Variants in FBXO3 observed in about 807,000 individuals in gnomAD.
The protein encoded by FBXO3 is F-box protein 3, also known as F-box only protein 3.
FBXO3 carries 17 observed loss-of-function variants against 64.8 expected under a neutral mutation model. The observed-to-expected ratio is 0.26, with a 90% CI of 0.18 to 0.39. The LOEUF (loss-of-function observed/expected upper bound fraction) is 0.39, where lower values mean the gene tolerates loss of function less well. FBXO3 is among the 10% of genes least tolerant of loss of function. FBXO3 has a pLI of 1.00. For missense variants in FBXO3, 420 were observed against 589.9 expected, an observed-to-expected ratio of 0.71 and a Z score of 2.98; for synonymous variants, 182 against 201.6, an observed-to-expected ratio of 0.90 and a Z score of 0.82.
intron 9 of FBXO3, among the ~76,000 whole-genome samples, chr11:33,747,877 A>G (rs1426212451): frequency 1.6e-5 from 2 of 122,890 alleles, no homozygotes; most frequent in African/African-American, 3.2e-5. Context: ...AGTATCTAGT[A>G]AAAAAAAAAA....
At chr11:33,759,117 A>T (rs1055485295) in intron 3 of FBXO3, among the ~76,000 whole-genome samples, 1 of 152,236 alleles carries the variant, frequency 6.6e-6, no homozygotes, top group African/African-American at 2.4e-5. Context: ...GGAAATAATG[A>T]CAAATACCAA....
At position 33,774,437 on chromosome 11, in the gene FBXO3, G is replaced by C; in HGVS notation, c.61C>G (p.Leu21Val). Reference sequence around the variant, plus strand: ...TCCAAAAAGGATAAGATGAGGAGCAGGGGATCGGTGGGCAGCGACTCTAGG... The same window carrying C: ...TCCAAAAAGGATAAGATGAGGAGCACGGGATCGGTGGGCAGCGACTCTAGG... ...LTLESLPTDP[L>V]LLILSFLDYR... Residue 21 changes from leucine (L) to valine (V), a missense_variant, in exon 1 of 11, where the codon CTG (leucine) becomes GTG (valine). Physicochemically the swap from Leu to Val is conservative, Grantham distance 32. Around this residue, in one of 3 missense-constraint regions of FBXO3, gnomAD observed 337 missense variants for 518.4 expected, o/e 0.65. Transcript: ENST00000265651. 6.2e-7 allele frequency: 1 copy of C among 1,603,134 alleles called. No homozygotes were observed. Among genetic ancestry groups the C allele is most frequent in the Non-Finnish European group, 8.5e-7 (1 of 1,175,086 alleles).
In FBXO3 at chr11:33,750,527, T is replaced by A. The variant is rs1328749390; in HGVS notation, c.932+12A>T. 1 of 1,613,380 alleles carries A rather than the reference T, an allele frequency of 6.2e-7. No individual in the cohort carries two copies. On this transcript the variant is annotated intron_variant, in intron 8 of 10. Coordinates refer to ENST00000265651, the MANE Select transcript of FBXO3 (RefSeq NM_012175.4). ...CCATTAACTGAAAGGTGACCCCATT[T>A]AAAATTCTCACCTGATTCGGTATGT...
rs1188720446 is a variant in FBXO3 at position 33,742,049 on chromosome 11, T to G, written c.1275A>C (p.Glu425Asp). Residue 425 changes from glutamate (E) to aspartate (D), a missense_variant, in exon 11 of 11, where the codon GAA (glutamate) becomes GAC (aspartate). This residue lies in a region of FBXO3 where 337 missense variants were observed against 518.4 expected (regional missense o/e 0.65). Coordinates refer to ENST00000265651, the MANE Select transcript of FBXO3 (RefSeq NM_012175.4). ...CTTCCTCCTCTTCCTCCTCCTCCTC[T>G]TCTTCCATCTCTTCATATTCATCAG... ...MGPDEYEEME[E>D]EEEEEEEEDE... 6.2e-7 allele frequency: 1 copy of G among 1,605,376 alleles called. No individual in the cohort carries two copies.
intron 2 of FBXO3, among the ~76,000 whole-genome samples, chr11:33,770,001 C>G (rs1255194387): frequency 6.6e-6 from 1 of 152,020 alleles, no homozygotes; most frequent in Non-Finnish European, 1.5e-5. Context: ...AGTCCAACTC[C>G]TCAAAGGAAA....
chr11:33,774,223 C>T (rs991829662), intron 1 of FBXO3, 171 bp downstream of exon 1: 4 of 596,878 alleles, frequency 6.7e-6, no homozygotes, highest in Non-Finnish European at 8.7e-6. Context: ...GCCCTTTCCG[C>T]CCCCGTCTCG....
intron 1 of FBXO3, 158 bp downstream of exon 1, chr11:33,774,236 C>A (rs1402957): frequency 0.32 from 202,406 of 626,400 alleles, 35,519 homozygotes; most frequent in Middle Eastern, 0.46. Flanking sequence ...CCGTCTCGCC[C>A]CGGTCCCCGG....
chr11:33,749,801 C>T (rs1854909724), intron 8 of FBXO3, among the ~76,000 whole-genome samples: 1 of 152,160 alleles, frequency 6.6e-6, no homozygotes, highest in African/African-American at 2.4e-5. Flanking sequence ...CAATCCTAGG[C>T]AGGATCTAAA....
chr11:33,770,841 C>A lies in FBXO3; in HGVS notation c.105-11G>T. ...CTGACATAACAACAGCTGGCAGTAA[C>A]CAGATTCACCGATAGTATTTAAAAA... is the stretch of plus-strand genomic sequence containing the variant. On this transcript the variant is annotated splice_polypyrimidine_tract_variant and intron_variant, in intron 1 of 10. Transcript: ENST00000265651. 2 of 1,570,292 alleles carry A rather than the reference C, an allele frequency of 1.3e-6. No individual in the cohort carries two copies. The highest frequency in any genetic ancestry group is 1.2e-5 in the South Asian group (1 of 85,880).
intron 10 of FBXO3, 69 bp downstream of exon 10, chr11:33,747,061 G>C: frequency 6.3e-7 from 1 of 1,574,946 alleles, no homozygotes; most frequent in East Asian, 2.3e-5. Flanking sequence ...CTAACTATTT[G>C]CCTGGCTTAT....
rs756063978 is a variant in FBXO3, at chr11:33,741,881, CT to C, written c.*26del. On this transcript the variant is annotated 3_prime_UTR_variant, in exon 11 of 11. Transcript: ENST00000265651. ...ATCTATTTAACAGCCTAGAATCATC[CT>C]AGTGCTTCCATCAGCAGAAGGCTTG... 6.2e-7 allele frequency: 1 copy of C among 1,600,546 alleles called. No homozygotes were observed. Among genetic ancestry groups the C allele is most frequent in the South Asian group, 1.1e-5 (1 of 88,454 alleles).
At chr11:33,753,131 G>A (rs564167216) in intron 6 of FBXO3, 91 of 152,348 alleles carry the variant, frequency 6.0e-4, no homozygotes, top group African/African-American at 2.1e-3. Flanking sequence ...AAGCCCATGT[G>A]TTGGGGTCTC....
At chr11:33,763,643 A>C (rs1340926133) in intron 3 of FBXO3, among the ~76,000 whole-genome samples, 3 of 151,548 alleles carry the variant, frequency 2.0e-5, no homozygotes, top group African/African-American at 7.3e-5. Flanking sequence ...AAAAAAAAAA[A>C]AAAACCCTAC....
In FBXO3 at chr11:33,755,760, G is replaced by T. The variant is rs200950248; in HGVS notation, c.678+11C>A. 60 of 1,600,256 alleles carry T rather than the reference G, an allele frequency of 3.7e-5. No homozygotes were observed. Among genetic ancestry groups the T allele is most frequent in the Non-Finnish European group, 5.1e-5 (59 of 1,168,028 alleles). ...ATCTTAATGCCATATTTAAACACAC[G>T]TTCTACTTACTGGACATTGGTAGAA... On this transcript the variant is annotated intron_variant, in intron 5 of 10. Transcript: ENST00000265651.
chr11:33,745,130 G>T (rs1406099476), intron 10 of FBXO3: 3 of 152,106 alleles, frequency 2.0e-5, no homozygotes, highest in Non-Finnish European at 4.4e-5. Context: ...AATGATGAAA[G>T]AATTATGTCA....
intron 4 of FBXO3, 138 bp downstream of exon 4, chr11:33,758,349 T>C (rs1378112278): frequency 1.2e-5 from 6 of 514,110 alleles, no homozygotes; most frequent in East Asian, 9.8e-5. Flanking sequence ...TTTTGTCTTA[T>C]GGATTGCTAT....
chr11:33,756,985 G>A, intron 4 of FBXO3: 1 of 518,264 alleles, frequency 1.9e-6, no homozygotes, highest in Admixed American at 1.9e-5. Context: ...TCCTGCGTTG[G>A]CATCCCAAAG....
At chr11:33,755,673 C>T in intron 5 of FBXO3, 98 bp downstream of exon 5, 1 of 867,700 alleles carries the variant, frequency 1.2e-6, no homozygotes. Flanking sequence ...GCATAATATT[C>T]TATACCCATT....
At chr11:33,756,980 C>A (rs768656773) in intron 4 of FBXO3, 2 of 518,328 alleles carry the variant, frequency 3.9e-6, no homozygotes, top group Non-Finnish European at 7.7e-6. Context: ...AGTCCTCCTG[C>A]GTTGGCATCC....
Sources: gnomAD v4.1 joint callset for allele counts (sites outside exome capture counted in the v4.1 genomes callset) on GRCh38, gnomAD v4.1.1 for gene constraint, gnomAD v4.1.1 regional missense constraint, MANE v1.5 for transcripts, NCBI Gene and HGNC (gene_info 2026-07-23, HGNC 2026-07-21) for gene names.